Variants in SLC26A3 observed in about 807,000 individuals in gnomAD.
The protein encoded by SLC26A3 is solute carrier family 26 member 3.
A neutral mutation model predicts 85.6 loss-of-function variants in SLC26A3; 64 were observed. That is an observed-to-expected ratio of 0.75 (90% confidence interval 0.61 to 0.92). The LOEUF is 0.92. Among genes scored for constraint, SLC26A3 ranks in the 40% least tolerant of loss-of-function variants. The probability of loss-of-function intolerance (pLI) is 0.00; values close to 1 mark genes in which losing one functional copy is unlikely to be tolerated. For missense variants in SLC26A3, 922 were observed against 927.3 expected, an observed-to-expected ratio of 0.99 and a Z score of 0.07; for synonymous variants, 349 against 336.0, an observed-to-expected ratio of 1.04 and a Z score of -0.42.
chr7:107,776,522 T>G lies in SLC26A3; in HGVS notation c.1607A>C (p.Lys536Thr), dbSNP rs1794118532. Residue 536 changes from lysine to threonine, a missense_variant, in exon 15 of 21, where the codon AAA becomes ACA. By Grantham distance (78) the Lys-to-Thr change is moderately conservative (BLOSUM62 -1). Coordinates refer to ENST00000340010, the MANE Select transcript of SLC26A3 (RefSeq NM_000111.3). The part of the protein sequence containing the change: ...YYDMYEPEGV[K>T]IFRCPSPIYF... ...GATAGGAGATGGACATCTGAAAATT[T>G]TCACTCCTTCTGGCTCATACATCTG... 3 of 1,614,016 alleles carry G rather than the reference T, an allele frequency of 1.9e-6. No homozygotes were observed. Among genetic ancestry groups the G allele is most frequent in the Non-Finnish European group, 2.5e-6 (3 of 1,179,978 alleles).
chr7:107,797,959 CT>C (rs1447654298), intron 1 of SLC26A3, among the ~76,000 whole-genome samples: 1 of 151,956 alleles, frequency 6.6e-6, no homozygotes, highest in African/African-American at 2.4e-5. Context: ...ATGTAAAAGC[CT>C]TTTCATGTTC....
At position 107,791,849 on chromosome 7, in the gene SLC26A3, A is replaced by G; in HGVS notation, c.363T>C (p.Thr121=). 1 of 1,611,164 alleles carries G rather than the reference A, an allele frequency of 6.2e-7. No homozygotes were observed. The highest frequency in any genetic ancestry group is 8.5e-7 in the Non-Finnish European group (1 of 1,177,340). The part of the protein sequence containing the change: ...FPAIIYLFFG[T]SRHISVGPFP... The stretch of plus-strand genomic sequence containing the variant: ...ACTTACCCACGGATATGTGTCTGGA[A>G]GTGCCGAAGAAAAGGTAGATTATGG... The change falls in exon 4 of 21, where the codon ACT becomes ACC. Residue 121 remains threonine (T), a synonymous_variant. Transcript: ENST00000340010.
intron 8 of SLC26A3, among the ~76,000 whole-genome samples, chr7:107,786,354 G>T (rs970554748): frequency 1.3e-5 from 2 of 152,016 alleles, no homozygotes; most frequent in Non-Finnish European, 2.9e-5. Context: ...AGAGATGGGG[G>T]TCTTGCTGTG....
Position 107,787,501 on chromosome 7 carries a change from G to A in SLC26A3, c.744C>T (p.Tyr248=), listed in dbSNP as rs772611971. 1.2e-6 allele frequency: 2 copies of A among 1,612,978 alleles called. No individual in the cohort carries two copies. The highest frequency in any genetic ancestry group is 1.7e-6 in the Non-Finnish European group (2 of 1,179,474). The change falls in exon 7 of 21, where the codon TAC becomes TAT. Residue 248 remains tyrosine (Y), a synonymous_variant. Coordinates refer to ENST00000340010, the MANE Select transcript of SLC26A3 (RefSeq NM_000111.3). ...TCTTCTCTATTTGTGAGAATACAGAGTATAGTACCTACAATTATAAAAACA... is the reference window on the plus strand; with the variant it reads ...TCTTCTCTATTTGTGAGAATACAGAATATAGTACCTACAATTATAAAAACA... ...TDPVSIFKVL[Y]SVFSQIEKTN... is the part of the protein sequence containing the mutation.
At chr7:107,779,806 A>G (rs767438175) in intron 11 of SLC26A3, 43 bp from the exon 12 acceptor site, 4 of 1,527,778 alleles carry the variant, frequency 2.6e-6, no homozygotes, top group Non-Finnish European at 3.6e-6. Context: ...AGTTAATGAA[A>G]TAAACCACAG....
chr7:107,774,191 A>C lies in SLC26A3; in HGVS notation c.1774-38T>G, dbSNP rs757059204. 31 of 1,487,976 alleles carry C rather than the reference A, an allele frequency of 2.1e-5. No homozygotes were observed. The Middle Eastern group carries it at 5.1e-4, about 25-fold the overall frequency. 92.2% of individuals were successfully genotyped at this position (1,487,976 alleles called of 1,614,324 possible). A position where few individuals can be genotyped will look rare whatever the true frequency, so the allele number is the denominator to read the frequency against. On this transcript the variant is annotated intron_variant, in intron 16 of 20. Transcript: ENST00000340010. ...ATAACAAGTATGAAAACTGTGACCA[A>C]GAAAAACATTGTGTATGTCAGAGAT... is the stretch of plus-strand genomic sequence containing the variant.
At chr7:107,789,299 T>G (rs1218082390) in intron 6 of SLC26A3, among the ~76,000 whole-genome samples, 1 of 151,566 alleles carries the variant, frequency 6.6e-6, no homozygotes, top group Non-Finnish European at 1.5e-5. Flanking sequence ...TTTTTTAATT[T>G]TTAGTAGAGA....
intron 17 of SLC26A3, among the ~76,000 whole-genome samples, chr7:107,772,651 A>G (rs897974518): frequency 5.3e-5 from 8 of 152,332 alleles, no homozygotes; most frequent in African/African-American, 1.4e-4. Context: ...TTAGATGATC[A>G]TTAATGTCAT....
intron 1 of SLC26A3, among the ~76,000 whole-genome samples, chr7:107,798,233 C>T (rs1464958958): frequency 2.0e-5 from 3 of 151,152 alleles, no homozygotes; most frequent in African/African-American, 4.9e-5. Context: ...CGTTGTTGTT[C>T]TCTGCTTTTT....
At position 107,774,012 on chromosome 7, in the gene SLC26A3, T is replaced by G. The variant is rs748875936; in HGVS notation, c.1915A>C (p.Ile639Leu). The part of the protein sequence containing the change: ...IDWNDDLPLN[I>L]EVPKISLHSL... ...TGGAGGCTGATTTTGGGGACCTCAA[T>G]GTTGAGAGGAAGATCATCATTCCAG... is the stretch of plus-strand genomic sequence containing the variant. The change falls in exon 17 of 21, where the codon ATT (isoleucine) becomes CTT (leucine). Residue 639 changes from isoleucine (I) to leucine (L), a missense_variant. Physicochemically the swap from Ile to Leu is conservative, Grantham distance 5. Coordinates refer to ENST00000340010, the MANE Select transcript of SLC26A3 (RefSeq NM_000111.3). 13 of 1,614,162 alleles carry G rather than the reference T, an allele frequency of 8.1e-6. No homozygotes were observed. Among genetic ancestry groups the G allele is most frequent in the Non-Finnish European group, 1.1e-5 (13 of 1,180,018 alleles).
intron 15 of SLC26A3, among the ~76,000 whole-genome samples, chr7:107,775,713 C>A (rs1794101418): frequency 6.6e-6 from 1 of 151,360 alleles, no homozygotes; most frequent in African/African-American, 2.4e-5. Context: ...CAAAGCGAGA[C>A]CTTGTCTCAA....
chr7:107,767,923 A>G lies in SLC26A3; in HGVS notation c.2063-15T>C, dbSNP rs775323043. 10 of 1,612,600 alleles carry G rather than the reference A, an allele frequency of 6.2e-6. No individual in the cohort carries two copies. The East Asian group carries it at 2.2e-4, about 36-fold the overall frequency. On this transcript the variant is annotated splice_polypyrimidine_tract_variant and intron_variant, in intron 18 of 20. Transcript: ENST00000340010. ...AATGAAGTCATCTGAAGAGAAAAAA[A>G]CAGTAACTTTTAGGAAGAAACAATT...
In SLC26A3 at chr7:107,774,783, C is replaced by G. The variant is rs1263964836; in HGVS notation, c.1767G>C (p.Val589=). 6.2e-7 allele frequency: 1 copy of G among 1,612,450 alleles called. No homozygotes were observed. The highest frequency in any genetic ancestry group is 8.5e-7 in the Non-Finnish European group (1 of 1,178,624). The change falls in exon 16 of 21, where the codon GTG becomes GTC. Residue 589 remains valine (V), a synonymous_variant. Transcript: ENST00000340010. ...RKLQKQGLLQ[V]TPKGFICTVD... Reference sequence around the variant, plus strand: ...ATGTGGTCAAGGAACTTACTGGTGTCACTTGTAGCAAGCCTTGCTTCTGCA... The same window carrying G: ...ATGTGGTCAAGGAACTTACTGGTGTGACTTGTAGCAAGCCTTGCTTCTGCA...
intron 1 of SLC26A3, among the ~76,000 whole-genome samples, chr7:107,801,062 G>T (rs1340460701): frequency 1.3e-5 from 2 of 152,202 alleles, no homozygotes; most frequent in South Asian, 4.1e-4. Context: ...GGCCATTTCT[G>T]TAAGGCTTTG....
At chr7:107,768,698 A>G (rs1793955881) in intron 18 of SLC26A3, among the ~76,000 whole-genome samples, 1 of 152,218 alleles carries the variant, frequency 6.6e-6, no homozygotes, top group African/African-American at 2.4e-5. Flanking sequence ...TTTGTTGAAT[A>G]TATGAGAGAG....
At chr7:107,803,073 A>G (rs1794624399) in intron 1 of SLC26A3, 38 bp downstream of exon 1, 1 of 152,254 alleles carries the variant, frequency 6.6e-6, no homozygotes, top group East Asian at 1.9e-4. Flanking sequence ...GGAACAGAAA[A>G]CCAGTTTGAA....
rs765626129 is a variant in SLC26A3 at position 107,783,299 on chromosome 7, T to A, written c.1025A>T (p.Asp342Val). 1 of 1,614,122 alleles carries A rather than the reference T, an allele frequency of 6.2e-7. No homozygotes were observed. Among genetic ancestry groups the A allele is most frequent in the East Asian group, 2.2e-5 (1 of 44,886 alleles). The change falls in exon 9 of 21, where the codon GAT becomes GTT. Residue 342 changes from aspartate (D) to valine (V), a missense_variant. By Grantham distance (152) the Asp-to-Val change is radical. Coordinates refer to ENST00000340010, the MANE Select transcript of SLC26A3 (RefSeq NM_000111.3). ...DVETFQNTVG[D>V]CFGIAMVAFA... ...TGCAACCATTGCGATGCCGAAGCAATCTCCTACGGTGTTTTGGAAAGTCTC... is the reference window on the plus strand; with the variant it reads ...TGCAACCATTGCGATGCCGAAGCAAACTCCTACGGTGTTTTGGAAAGTCTC...
Position 107,787,419 on chromosome 7 carries a change from T to C in SLC26A3, c.826A>G (p.Lys276Glu), listed in dbSNP as rs1794316030. Residue 276 changes from lysine (K) to glutamate (E), a missense_variant, in exon 7 of 21, where the codon AAA becomes GAA. By Grantham distance (56) the Lys-to-Glu change is moderately conservative (BLOSUM62 1). Transcript: ENST00000340010. ...LIVLLVVSIV[K>E]EINQRFKDKL... ...TCTTTGAAGCGCTGATTTATTTCTTTAACAATGGATACAACCAAAAGGACA... is the reference window on the plus strand; with the variant it reads ...TCTTTGAAGCGCTGATTTATTTCTTCAACAATGGATACAACCAAAAGGACA... The C allele has an allele frequency of 6.2e-7, 1 of 1,614,040 alleles. No individual in the cohort carries two copies. The highest frequency in any genetic ancestry group is 8.5e-7 in the Non-Finnish European group (1 of 1,179,932).
At position 107,786,593 on chromosome 7, in the gene SLC26A3, T is replaced by C. The variant is rs377093564; in HGVS notation, c.971+234A>G. Among the ~76,000 whole-genome samples the C allele has an allele frequency of 1.6e-3, 243 of 148,194 alleles. 11 individuals are homozygous for C. The South Asian group carries it at 0.051, about 31-fold the overall frequency. On this transcript the variant is annotated intron_variant, in intron 8 of 20. Transcript: ENST00000340010. ...GGAGAAGCCTTCTGATATTAAGAAC[T>C]GCATTCACTGTGGGGAGGCGAAAAA...
Sources: allele counts gnomAD v4.1 joint callset (sites outside exome capture counted in the v4.1 genomes callset), GRCh38; gene constraint gnomAD v4.1.1; transcripts MANE v1.5; gene names NCBI Gene and HGNC (gene_info 2026-07-23, HGNC 2026-07-21).